SLC5A12: variants seen among roughly 807,000 people sequenced by gnomAD.
SLC5A12 encodes the protein solute carrier family 5 member 12, also known as sodium-coupled monocarboxylate transporter 2.
A neutral mutation model predicts 72.7 loss-of-function variants in SLC5A12; 46 were observed. That is an observed-to-expected ratio of 0.63 (90% CI 0.50 to 0.81). The LOEUF (loss-of-function observed/expected upper bound fraction) is 0.81, where lower values mean the gene tolerates loss of function less well. Among genes scored for constraint, SLC5A12 ranks in the 30% least tolerant of loss-of-function variants. The pLI, the probability that SLC5A12 is intolerant of heterozygous loss-of-function variation, is 0.00. For synonymous variants in SLC5A12, 275 were observed against 264.4 expected, an observed-to-expected ratio of 1.04 and a Z score of -0.39; for missense variants, 683 against 740.7, an observed-to-expected ratio of 0.92 and a Z score of 0.90.
intron 14 of SLC5A12, among the ~76,000 whole-genome samples, chr11:26,671,734 C>G (rs1164100527): frequency 6.6e-6 from 1 of 152,108 alleles, no homozygotes; most frequent in South Asian, 2.1e-4. Flanking sequence ...TCCCTTTCAA[C>G]TTATCCTTGA....
intron 8 of SLC5A12, among the ~76,000 whole-genome samples, chr11:26,692,934 C>G (rs1854718115): frequency 1.3e-5 from 2 of 152,158 alleles, no homozygotes; most frequent in African/African-American, 2.4e-5. Context: ...TGTGTGTGTT[C>G]AGGTTGGAGT....
chr11:26,714,899 T>C (rs1319384251), intron 1 of SLC5A12, among the ~76,000 whole-genome samples: 1 of 152,142 alleles, frequency 6.6e-6, no homozygotes, highest in African/African-American at 2.4e-5. Context: ...TCAGATGATA[T>C]ATTCTGTGAG....
chr11:26,672,169 C>A (rs949697655), intron 14 of SLC5A12, among the ~76,000 whole-genome samples: 1 of 152,090 alleles, frequency 6.6e-6, no homozygotes, highest in Non-Finnish European at 1.5e-5. Context: ...GTATTCTGAG[C>A]CTCTCTGTAA....
chr11:26,711,665 C>T (rs1855232242), intron 2 of SLC5A12, among the ~76,000 whole-genome samples: 2 of 152,042 alleles, frequency 1.3e-5, no homozygotes, highest in African/African-American at 4.8e-5. Context: ...ATTCATCTTC[C>T]TTCTATCCAT....
chr11:26,718,145 A>T (rs1298697173), intron 1 of SLC5A12, among the ~76,000 whole-genome samples: 1 of 152,158 alleles, frequency 6.6e-6, no homozygotes, highest in Non-Finnish European at 1.5e-5. Context: ...AGGCTGAAGA[A>T]AGAAACAGAA....
rs879635181 is a variant in SLC5A12, at chr11:26,669,161, C to CTTTTTCTTTCTTTCTTTCTTCT, written c.*1940_*1941insAGAAGAAAGAAAGAAAGAAAAA. 11 of 52,122 alleles carry CTTTTTCTTTCTTTCTTTCTTCT rather than the reference C, an allele frequency of 2.1e-4. No homozygotes were observed. The highest frequency in any genetic ancestry group is 4.4e-4 in the Non-Finnish European group (9 of 20,236). 3.2% of individuals were successfully genotyped at this position (52,122 alleles called of 1,614,324 possible). On this transcript the variant is annotated 3_prime_UTR_variant, in exon 15 of 15. Transcript: ENST00000396005. ...TCTTTCTGTCTCTCTCTTCCTCTTCCTGTCTTTTTCTTTCTTTCTTTCTTC... is the reference window on the plus strand; with the variant it reads ...TCTTTCTGTCTCTCTCTTCCTCTTCCTTTTTCTTTCTTTCTTTCTTCTTGTCTTTTTCTTTCTTTCTTTCTTC...
chr11:26,694,709 A>T (rs931714163), intron 8 of SLC5A12, among the ~76,000 whole-genome samples: 7 of 152,210 alleles, frequency 4.6e-5, no homozygotes, highest in African/African-American at 1.4e-4. Context: ...TAACATACTA[A>T]AAGTTTTAAA....
At chr11:26,683,705 G>A (rs781750420) in intron 11 of SLC5A12, 52 bp downstream of exon 11, 174 of 1,452,922 alleles carry the variant, frequency 1.2e-4, no homozygotes, top group Non-Finnish European at 1.4e-4. Context: ...GAGAGAAAAC[G>A]GCTGGGCCCA....
At chr11:26,720,544 T>G (rs1341778142) in intron 1 of SLC5A12, among the ~76,000 whole-genome samples, 2 of 152,034 alleles carry the variant, frequency 1.3e-5, no homozygotes, top group Non-Finnish European at 2.9e-5. Flanking sequence ...AATAATGTTT[T>G]ATACTCATAT....
chr11:26,721,504 G>C lies in SLC5A12; in HGVS notation c.211C>G (p.Pro71Ala). 10 of 1,614,140 alleles carry C rather than the reference G, an allele frequency of 6.2e-6. No homozygotes were observed. Among genetic ancestry groups the C allele is most frequent in the Admixed American group, 1.7e-5 (1 of 60,020 alleles). ...GCCCCAAAGCGGTAGACTTCAGAAGGGGTCCCCAGGACCGTGACAGCTGAC... is the reference window on the plus strand; with the variant it reads ...GCCCCAAAGCGGTAGACTTCAGAAGCGGTCCCCAGGACCGTGACAGCTGAC... ...FMSAVTVLGT[P>A]SEVYRFGASF... Residue 71 changes from proline (P) to alanine (A), a missense_variant, in exon 1 of 15, where the codon CCT (proline) becomes GCT (alanine). Physicochemically the swap from Pro to Ala is conservative, Grantham distance 27. Transcript: ENST00000396005.
intron 6 of SLC5A12, among the ~76,000 whole-genome samples, chr11:26,700,273 T>C (rs921361138): frequency 6.6e-6 from 1 of 152,212 alleles, no homozygotes; most frequent in Non-Finnish European, 1.5e-5. Context: ...AATAGAATAT[T>C]AAAGTCATTG....
Position 26,721,401 on chromosome 11 carries a change from C to T in SLC5A12, c.314G>A (p.Arg105Lys). The T allele has an allele frequency of 6.2e-7, 1 of 1,613,522 alleles. No individual in the cohort carries two copies. The highest frequency in any genetic ancestry group is 8.5e-7 in the Non-Finnish European group (1 of 1,179,676). ...CTCATAAGTGCTGGTGATACCAGAT[C>T]TGTAGAACACAGGGAGAAAGAGCTC... ...TSELFLPVFYRSGITSTYEYL... is the reference protein window; with the variant it reads ...TSELFLPVFYKSGITSTYEYL... Residue 105 changes from arginine (R) to lysine (K), a missense_variant, in exon 1 of 15, where the codon AGA becomes AAA. Physicochemically the swap from Arg to Lys is conservative, Grantham distance 26. Transcript: ENST00000396005.
chr11:26,693,518 G>T (rs746326727), intron 8 of SLC5A12, among the ~76,000 whole-genome samples: 1 of 152,116 alleles, frequency 6.6e-6, no homozygotes, highest in African/African-American at 2.4e-5. Context: ...GGACCTGAAC[G>T]TTGGGGTTTT....
chr11:26,698,500 A>G lies in SLC5A12; in HGVS notation c.857T>C (p.Ile286Thr). The change falls in exon 7 of 15, where the codon ATT (isoleucine) becomes ACT (threonine). Residue 286 changes from isoleucine (I) to threonine (T), a missense_variant. Coordinates refer to ENST00000396005, the MANE Select transcript of SLC5A12 (RefSeq NM_178498.4). ...GCCAGAGAAGACAGCACACACCAGAATGATCCAGAGACCCAGCAAGTTAAA... is the reference window on the plus strand; with the variant it reads ...GCCAGAGAAGACAGCACACACCAGAGTGATCCAGAGACCCAGCAAGTTAAA... ...LYFNLLGLWI[I>T]LVCAVFSGLI... is the part of the protein sequence containing the mutation. 1 of 1,614,040 alleles carries G rather than the reference A, an allele frequency of 6.2e-7. No individual in the cohort carries two copies. The highest frequency in any genetic ancestry group is 8.5e-7 in the Non-Finnish European group (1 of 1,179,942).
chr11:26,691,383 A>G (rs889499777), intron 9 of SLC5A12, among the ~76,000 whole-genome samples: 4 of 152,258 alleles, frequency 2.6e-5, no homozygotes, highest in Non-Finnish European at 5.9e-5. Flanking sequence ...ATGAATTTGT[A>G]TTATTTAACC....
chr11:26,686,578 T>C, intron 9 of SLC5A12, 34 bp from the exon 10 acceptor site: 1 of 1,600,356 alleles, frequency 6.2e-7, no homozygotes, highest in Non-Finnish European at 8.6e-7. Context: ...CATAATTTCC[T>C]GAGGGATTCC....
chr11:26,703,447 C>CACACACACA, intron 6 of SLC5A12, 84 bp downstream of exon 6: 1 of 822,424 alleles, frequency 1.2e-6, no homozygotes, highest in Non-Finnish European at 1.6e-6. Context: ...CACACACACA[C>CACACACACA]CCCCCAAGAG....
At chr11:26,705,997 G>C (rs899576348) in intron 4 of SLC5A12, among the ~76,000 whole-genome samples, 8 of 149,900 alleles carry the variant, frequency 5.3e-5, no homozygotes, top group African/African-American at 2.0e-4. Context: ...CTTTAATACT[G>C]AGGGTACCTT....
chr11:26,695,404 C>G (rs2133177874), intron 8 of SLC5A12, among the ~76,000 whole-genome samples: 1 of 152,096 alleles, frequency 6.6e-6, no homozygotes. Context: ...CACTTAATTT[C>G]TTATATGTAT....
Sources: allele counts gnomAD v4.1 joint callset (sites outside exome capture counted in the v4.1 genomes callset), GRCh38; gene constraint gnomAD v4.1.1; transcripts MANE v1.5; gene names NCBI Gene and HGNC (gene_info 2026-07-23, HGNC 2026-07-21).